The following CORO2B variants were observed in gnomAD, a reference collection of about 807,000 sequenced individuals.
The protein encoded by CORO2B is coronin 2B, also known as coronin-2B.
Under a neutral mutation model 58.8 loss-of-function variants are expected in CORO2B, and 26 were observed. The observed-to-expected ratio is 0.44, with a 90% CI of 0.32 to 0.61. CORO2B has a LOEUF of 0.61. Among genes scored for constraint, CORO2B ranks in the 20% least tolerant of loss-of-function variants. CORO2B has a pLI of 0.04. For synonymous variants in CORO2B, 242 were observed against 253.8 expected, an observed-to-expected ratio of 0.95 and a Z score of 0.44; for missense variants, 460 against 645.1, an observed-to-expected ratio of 0.71 and a Z score of 3.11.
chr15:68,606,156 T>C (rs1287891068), intron 1 of CORO2B, among the ~76,000 whole-genome samples: 1 of 152,072 alleles, frequency 6.6e-6, no homozygotes, highest in African/African-American at 2.4e-5. Flanking sequence ...CAAAGGTGAC[T>C]GCAAGAATCC....
chr15:68,642,195 C>T (rs1005009521), intron 1 of CORO2B, among the ~76,000 whole-genome samples: 7 of 152,098 alleles, frequency 4.6e-5, no homozygotes, highest in Admixed American at 1.3e-4. Context: ...TGCCACCATG[C>T]CTGCTATCCT....
chr15:68,592,139 A>C (rs903854440), intron 1 of CORO2B, among the ~76,000 whole-genome samples: 1 of 151,650 alleles, frequency 6.6e-6, no homozygotes, highest in Non-Finnish European at 1.5e-5. Flanking sequence ...CCAACCACAC[A>C]TCCACTCCAG....
intron 1 of CORO2B, among the ~76,000 whole-genome samples, chr15:68,600,131 G>A (rs1899944228): frequency 1.3e-5 from 2 of 152,312 alleles, no homozygotes; most frequent in South Asian, 2.1e-4. Context: ...CAGCCTTATT[G>A]TTGGCTGAAG....
chr15:68,530,852 A>T, the CORO2B span, among the ~76,000 whole-genome samples: 3 of 152,138 alleles, frequency 2.0e-5, no homozygotes, highest in Non-Finnish European at 4.4e-5. Flanking sequence ...ATGCCTTTAC[A>T]TTTGAGGTGG....
chr15:68,575,534 C>T (rs1420363419), upstream of CORO2B, among the ~76,000 whole-genome samples: 1 of 133,298 alleles, frequency 7.5e-6, no homozygotes. Context: ...GGGGGTTTCA[C>T]CCTCTTGGCC....
intron 1 of CORO2B, among the ~76,000 whole-genome samples, chr15:68,582,367 T>C (rs1899448168): frequency 6.6e-6 from 1 of 152,130 alleles, no homozygotes; most frequent in African/African-American, 2.4e-5. Flanking sequence ...AGGAAGGCTC[T>C]GATGCAGGGC....
At chr15:68,616,167 A>G (rs1208540234) in intron 1 of CORO2B, among the ~76,000 whole-genome samples, 1 of 152,170 alleles carries the variant, frequency 6.6e-6, no homozygotes, top group Admixed American at 6.5e-5. Context: ...AAACAGTATA[A>G]TGATGGGCAT....
At chr15:68,593,114 C>T (rs950466445) in intron 1 of CORO2B, among the ~76,000 whole-genome samples, 4 of 152,074 alleles carry the variant, frequency 2.6e-5, no homozygotes, top group Non-Finnish European at 5.9e-5. Flanking sequence ...CATCAGGAGC[C>T]CACTCCCAGG....
In CORO2B at chr15:68,581,604, T is replaced by A. The variant is rs534231340; in HGVS notation, c.15+2327T>A. Among the ~76,000 whole-genome samples the A allele has an allele frequency of 2.0e-5, 3 of 152,344 alleles. No individual in the cohort carries two copies. The South Asian group carries it at 6.2e-4, about 32-fold the overall frequency. On this transcript the variant is annotated intron_variant, in intron 1 of 11. Transcript: ENST00000261861. ...TGTCAAATGTAAGACTTGGTTCCAA[T>A]GATCTCTAGGGCCTCTTCTGCTGAG...
At chr15:68,624,618 G>T (rs1900625692) in intron 1 of CORO2B, among the ~76,000 whole-genome samples, 1 of 151,880 alleles carries the variant, frequency 6.6e-6, no homozygotes, top group Non-Finnish European at 1.5e-5. Context: ...AGAGTTCCTG[G>T]GGTCCATGCC....
At chr15:68,577,212 C>T (rs975825307), upstream of CORO2B, among the ~76,000 whole-genome samples, 12 of 152,142 alleles carry the variant, frequency 7.9e-5, no homozygotes, top group Admixed American at 4.6e-4. Context: ...CTGTGAAACT[C>T]AAATAAGGCA....
chr15:68,636,768 T>C (rs892664687), intron 1 of CORO2B, among the ~76,000 whole-genome samples: 2 of 152,198 alleles, frequency 1.3e-5, no homozygotes, highest in African/African-American at 4.8e-5. Flanking sequence ...ATTCTTTTCT[T>C]CCAGGATTTA....
chr15:68,585,645 A>AC (rs1194481435), intron 1 of CORO2B, among the ~76,000 whole-genome samples: 2 of 151,790 alleles, frequency 1.3e-5, no homozygotes, highest in Non-Finnish European at 2.9e-5. Context: ...CTCCCCACCA[A>AC]CCCCCCACCT....
At chr15:68,676,840 C>T (rs982290122) in intron 2 of CORO2B, among the ~76,000 whole-genome samples, 1 of 137,216 alleles carries the variant, frequency 7.3e-6, no homozygotes, top group Non-Finnish European at 1.5e-5. Context: ...GGCACCATCA[C>T]GACTCACTGC....
the CORO2B span, among the ~76,000 whole-genome samples, chr15:68,568,429 T>C: frequency 1.3e-5 from 2 of 152,144 alleles, no homozygotes. Context: ...ACTATTGCCC[T>C]TTACCCTCTG....
intron 1 of CORO2B, among the ~76,000 whole-genome samples, chr15:68,581,176 T>G (rs1316422673): frequency 6.6e-6 from 1 of 152,170 alleles, no homozygotes; most frequent in Non-Finnish European, 1.5e-5. Flanking sequence ...CAGGCCTAGC[T>G]TCTTGGTATC....
chr15:68,597,656 T>TA (rs1899873837), intron 1 of CORO2B, among the ~76,000 whole-genome samples: 1 of 150,230 alleles, frequency 6.7e-6, no homozygotes, highest in East Asian at 2.0e-4. Flanking sequence ...AAATAAAAAA[T>TA]AAAAAAGACC....
At chr15:68,683,609 G>A (rs1902865661) in intron 2 of CORO2B, among the ~76,000 whole-genome samples, 1 of 152,156 alleles carries the variant, frequency 6.6e-6, no homozygotes, top group African/African-American at 2.4e-5. Flanking sequence ...TGGTGGGACT[G>A]GATATTGGGA....
chr15:68,605,402 A>G (rs1189062136), intron 1 of CORO2B, among the ~76,000 whole-genome samples: 1 of 152,210 alleles, frequency 6.6e-6, no homozygotes, highest in Non-Finnish European at 1.5e-5. Context: ...TCATCACGGC[A>G]TTATTTATAA....
Sources: allele counts gnomAD v4.1 joint callset (sites outside exome capture counted in the v4.1 genomes callset), GRCh38; gene constraint gnomAD v4.1.1; transcripts MANE v1.5; gene names NCBI Gene and HGNC (gene_info 2026-07-23, HGNC 2026-07-21).